The following ZNF805 variants were observed in gnomAD, a reference collection of about 807,000 sequenced individuals.
ZNF805 encodes CTC-444N24.8.
ZNF805 carries 7 observed loss-of-function variants against 13.6 expected under a neutral mutation model. The observed-to-expected ratio is 0.51, with a 90% CI of 0.29 to 0.97. The LOEUF (loss-of-function observed/expected upper bound fraction) is 0.97, where lower values mean the gene tolerates loss of function less well. ZNF805 is among the 50% of genes least tolerant of loss of function. ZNF805 has a pLI of 0.08. For missense variants in ZNF805, 604 were observed against 771.0 expected, an observed-to-expected ratio of 0.78 and a Z score of 2.57; for synonymous variants, 293 against 279.8, an observed-to-expected ratio of 1.05 and a Z score of -0.47.
chr19:57,262,350 G>A lies in ZNF805; in HGVS notation c.*7647G>A, dbSNP rs115948325. Reference sequence around the variant, plus strand: ...TATACGTGTAAACCATTGTAACCAAGAAAAAAAAAAAAAGTCAGAGTCACA... The same window carrying A: ...TATACGTGTAAACCATTGTAACCAAAAAAAAAAAAAAAAGTCAGAGTCACA... On this transcript the variant is annotated 3_prime_UTR_variant, in exon 4 of 4. Transcript: ENST00000414468. The A allele has an allele frequency of 2.7e-3, 425 of 155,096 alleles. No individual in the cohort carries two copies. The highest frequency in any genetic ancestry group is 7.2e-4 in the Non-Finnish European group (47 of 65,640). The allele number at this position is 155,096 out of a possible 1,614,324, so 9.6% of individuals were successfully genotyped here.
At chr19:57,245,596 G>T (rs183817163) in intron 2 of ZNF805, among the ~76,000 whole-genome samples, 80 of 148,318 alleles carry the variant, frequency 5.4e-4, no homozygotes, top group African/African-American at 1.7e-3. Context: ...TGGCTAACAC[G>T]GTGCAACCCT....
Position 57,253,066 on chromosome 19 carries a change from C to T in ZNF805, c.254-7C>T. On this transcript the variant is annotated splice_polypyrimidine_tract_variant and splice_region_variant and intron_variant, in intron 3 of 3. Coordinates refer to ENST00000414468, the MANE Select transcript of ZNF805 (RefSeq NM_001023563.4). The surrounding 1 kb of genome is among the most constrained non-coding windows in gnomAD (Gnocchi z 4.4). Reference sequence around the variant, plus strand: ...ACAAGCCCTTCTGTGTGTTGGATTTCTTTCAGGTGACAAAGGAAAACCCAA... The same window carrying T: ...ACAAGCCCTTCTGTGTGTTGGATTTTTTTCAGGTGACAAAGGAAAACCCAA... 2.8e-6 allele frequency: 4 copies of T among 1,432,050 alleles called. No individual in the cohort carries two copies. The highest frequency in any genetic ancestry group is 3.7e-6 in the Non-Finnish European group (4 of 1,090,620). The allele number at this position is 1,432,050 out of a possible 1,614,324, so 88.7% of individuals were successfully genotyped here. A position where few individuals can be genotyped will look rare whatever the true frequency, so the allele number is the denominator to read the frequency against.
intron 2 of ZNF805, among the ~76,000 whole-genome samples, chr19:57,245,532 C>A (rs1431499902): frequency 6.6e-6 from 1 of 151,836 alleles, no homozygotes; most frequent in East Asian, 1.9e-4. Context: ...GTAATCCCAG[C>A]ACTTTGGGAG....
At chr19:57,242,809 A>G (rs1256823559) in intron 1 of ZNF805, among the ~76,000 whole-genome samples, 1 of 152,202 alleles carries the variant, frequency 6.6e-6, no homozygotes, top group African/African-American at 2.4e-5. Context: ...ATGCTTCACA[A>G]CTGTATTATA....
intron 1 of ZNF805, among the ~76,000 whole-genome samples, chr19:57,243,687 C>G (rs10418480): frequency 1.3e-5 from 2 of 151,964 alleles, no homozygotes; most frequent in South Asian, 4.1e-4. Context: ...TCGCCATCCA[C>G]GAGTTATTGC....
In ZNF805 at chr19:57,247,330, C is replaced by T. The variant is rs140789392; in HGVS notation, c.158-1275C>T. ...TGAGGATGAATCCTCCAGCTCACAT[C>T]TCTGCCTCGTCACCACCCTCTGCCA... On this transcript the variant is annotated intron_variant, in intron 2 of 3. Coordinates refer to ENST00000414468, the MANE Select transcript of ZNF805 (RefSeq NM_001023563.4). Among the ~76,000 whole-genome samples, 46 of 152,330 alleles carry T rather than the reference C, an allele frequency of 3.0e-4. No individual in the cohort carries two copies. In the East Asian group the frequency reaches 6.0e-3, roughly 20 times the overall value.
At position 57,255,986 on chromosome 19, in the gene ZNF805, T is replaced by G. The variant is rs764136703; in HGVS notation, c.*1283T>G. Among the ~76,000 whole-genome samples, 2 of 152,132 alleles carry G rather than the reference T, an allele frequency of 1.3e-5. No individual in the cohort carries two copies. Among genetic ancestry groups the G allele is most frequent in the Non-Finnish European group, 2.9e-5 (2 of 67,952 alleles). On this transcript the variant is annotated 3_prime_UTR_variant, in exon 4 of 4. Coordinates refer to ENST00000414468, the MANE Select transcript of ZNF805 (RefSeq NM_001023563.4). ...TTCCAAAGAGTTTCTCTATCGAGTT[T>G]AGAAAGTTTCCCTCTATTCCTAATT...
Position 57,253,682 on chromosome 19 carries a change from A to T in ZNF805, c.863A>T (p.Lys288Met), listed in dbSNP as rs2087666470. The change falls in exon 4 of 4, where the codon AAG (lysine) becomes ATG (methionine). Residue 288 changes from lysine to methionine, a missense_variant. Lys to Met is a moderately conservative substitution (Grantham distance 95). Transcript: ENST00000414468. This position sits in a 1 kb window ranked among gnomAD's most constrained non-coding sequence, Gnocchi z 4.4. ...ATTCACAGTGGAGAGAAGCCTTATAAGTGCAGTGAATGTGGAAAGGCCTTC... is the reference window on the plus strand; with the variant it reads ...ATTCACAGTGGAGAGAAGCCTTATATGTGCAGTGAATGTGGAAAGGCCTTC... ...QRIHSGEKPY[K>M]CSECGKAFTH... 1 of 1,613,362 alleles carries T rather than the reference A, an allele frequency of 6.2e-7. No homozygotes were observed. Among genetic ancestry groups the T allele is most frequent in the African/African-American group, 1.3e-5 (1 of 74,698 alleles).
In ZNF805 at chr19:57,240,669, T is replaced by A. The variant is rs1043442854; in HGVS notation, c.-223T>A. 1.5e-4 allele frequency: 79 copies of A among 519,940 alleles called. 1 individual carries two copies. Among genetic ancestry groups the A allele is most frequent in the South Asian group, 1.2e-3 (42 of 36,446 alleles). The allele number at this position is 519,940 out of a possible 1,614,324, so 32.2% of individuals were successfully genotyped here. A position where few individuals can be genotyped will look rare whatever the true frequency, so the allele number is the denominator to read the frequency against. On this transcript the variant is annotated 5_prime_UTR_variant, in exon 1 of 4. Coordinates refer to ENST00000414468, the MANE Select transcript of ZNF805 (RefSeq NM_001023563.4). Reference sequence around the variant, plus strand: ...GCCGGCTCTAGGGAGGGGGCGGTGTTCCGTGGCCGCCTCCCTGGCGGCGCT... The same window carrying A: ...GCCGGCTCTAGGGAGGGGGCGGTGTACCGTGGCCGCCTCCCTGGCGGCGCT...
At chr19:57,250,837 G>C (rs888365035) in intron 3 of ZNF805, among the ~76,000 whole-genome samples, 4 of 152,202 alleles carry the variant, frequency 2.6e-5, no homozygotes, top group African/African-American at 9.6e-5. Flanking sequence ...GGTGGAAGAG[G>C]TCTTACCCTT....
Position 57,250,190 on chromosome 19 carries a change from C to T in ZNF805, c.253+1490C>T, listed in dbSNP as rs573789275. Among the ~76,000 whole-genome samples, 6 of 152,272 alleles carry T rather than the reference C, an allele frequency of 3.9e-5. No individual in the cohort carries two copies. In the South Asian group the frequency reaches 1.2e-3, roughly 32 times the overall value. ...CCTTTCGATTTCACGTCATGCATGC[C>T]TCCTGAATTCATCCCTCTATCACCT... On this transcript the variant is annotated intron_variant, in intron 3 of 3. Transcript: ENST00000414468.
rs920502982 is a variant in ZNF805, at chr19:57,254,790, A to G, written c.*87A>G. Reference sequence around the variant, plus strand: ...GCTTAGAGCCTTATTCTCCATCCGAATTCATCCTGGAAAAACACCCAGTGG... The same window carrying G: ...GCTTAGAGCCTTATTCTCCATCCGAGTTCATCCTGGAAAAACACCCAGTGG... On this transcript the variant is annotated 3_prime_UTR_variant, in exon 4 of 4. Coordinates refer to ENST00000414468, the MANE Select transcript of ZNF805 (RefSeq NM_001023563.4). 3 of 1,381,522 alleles carry G rather than the reference A, an allele frequency of 2.2e-6. No homozygotes were observed. The highest frequency in any genetic ancestry group is 2.9e-6 in the Non-Finnish European group (3 of 1,025,224). 85.6% of individuals were successfully genotyped at this position (1,381,522 alleles called of 1,614,324 possible).
intron 1 of ZNF805, among the ~76,000 whole-genome samples, chr19:57,241,622 C>A: frequency 6.6e-6 from 1 of 151,154 alleles, no homozygotes; most frequent in Non-Finnish European, 1.5e-5. Context: ...TCCTTTCCTC[C>A]CTGGCTCAGC....
chr19:57,242,635 A>G (rs967278987), intron 1 of ZNF805, among the ~76,000 whole-genome samples: 3 of 152,194 alleles, frequency 2.0e-5, no homozygotes, highest in Non-Finnish European at 2.9e-5. Flanking sequence ...CTAATGGTTC[A>G]TTATGCAATC....
At chr19:57,245,607 G>C (rs188050229) in intron 2 of ZNF805, among the ~76,000 whole-genome samples, 1 of 148,444 alleles carries the variant, frequency 6.7e-6, no homozygotes. Flanking sequence ...GTGCAACCCT[G>C]TCTCTACTAA....
chr19:57,240,991 G>C, intron 1 of ZNF805, 70 bp downstream of exon 1: 1 of 1,483,568 alleles, frequency 6.7e-7, no homozygotes, highest in Non-Finnish European at 9.2e-7. Flanking sequence ...CAGGCCGGAA[G>C]CCAAGACAGC....
chr19:57,254,657 C>T lies in ZNF805; in HGVS notation c.1838C>T (p.Ser613Phe). Residue 613 changes from serine (S) to phenylalanine (F), a missense_variant, in exon 4 of 4, where the codon TCT becomes TTT. Physicochemically the swap from Ser to Phe is radical, Grantham distance 155. This residue lies in a region of ZNF805 where 49 missense variants were observed against 40.0 expected (regional missense o/e 1.23). Transcript: ENST00000414468. The part of the protein sequence containing the change: ...LLQEEASYMA[S>F]DRTYQRETPQ... ...CAAGAGGAAGCATCTTACATGGCATCTGATCGTACATACCAAAGAGAAACC... is the reference window on the plus strand; with the variant it reads ...CAAGAGGAAGCATCTTACATGGCATTTGATCGTACATACCAAAGAGAAACC... 1 of 1,614,080 alleles carries T rather than the reference C, an allele frequency of 6.2e-7. No individual in the cohort carries two copies. Among genetic ancestry groups the T allele is most frequent in the Non-Finnish European group, 8.5e-7 (1 of 1,179,948 alleles).
Position 57,253,106 on chromosome 19 carries a change from C to T in ZNF805, c.287C>T (p.Thr96Ile). 2.0e-6 allele frequency: 3 copies of T among 1,492,646 alleles called. No individual in the cohort carries two copies. Among genetic ancestry groups the T allele is most frequent in the Non-Finnish European group, 2.7e-6 (3 of 1,124,438 alleles). The allele number at this position is 1,492,646 out of a possible 1,614,324, so 92.5% of individuals were successfully genotyped here. ...GGAAAACCCAAGAGCACAGAACCTA[C>T]CACCTGTGAGCTAGCCTTGTCTGAA... ...DKGKPKSTEP[T>I]TCELALSEGI... The change falls in exon 4 of 4, where the codon ACC becomes ATC. Residue 96 changes from threonine (T) to isoleucine (I), a missense_variant. Physicochemically the swap from Thr to Ile is moderately conservative, Grantham distance 89. Coordinates refer to ENST00000414468, the MANE Select transcript of ZNF805 (RefSeq NM_001023563.4). This position sits in a 1 kb window ranked among gnomAD's most constrained non-coding sequence, Gnocchi z 4.4.
rs184878121 is a variant in ZNF805, at chr19:57,259,700, G to A, written c.*4997G>A. ...TTTTTGTATTTTTAGTAGAGACGGG[G>A]TTTCACTGTGTTAGCCAGGATGGTC... On this transcript the variant is annotated 3_prime_UTR_variant, in exon 4 of 4. Transcript: ENST00000414468. Among the ~76,000 whole-genome samples, 210 of 152,274 alleles carry A rather than the reference G, an allele frequency of 1.4e-3. 2 individuals are homozygous for A. The highest frequency in any genetic ancestry group is 4.9e-3 in the African/African-American group (203 of 41,538).
Sources: gnomAD v4.1 joint callset for allele counts (sites outside exome capture counted in the v4.1 genomes callset) on GRCh38, gnomAD v4.1.1 for gene constraint, gnomAD v4.1.1 regional missense constraint, Gnocchi (gnomAD v3.1) non-coding constraint, MANE v1.5 for transcripts, NCBI Gene and HGNC (gene_info 2026-07-23, HGNC 2026-07-21) for gene names.